Variants in GALNT13 observed in about 807,000 individuals in gnomAD.
The protein encoded by GALNT13 is UDP-GalNAc:polypeptide N-acetylgalactosaminyltransferase 13.
Under a neutral mutation model 64.2 loss-of-function variants are expected in GALNT13, and 28 were observed. The ratio of observed to expected loss-of-function variants is 0.44; its 90% confidence interval spans 0.32 to 0.60. GALNT13 has a LOEUF of 0.60. Among genes scored for constraint, GALNT13 ranks in the 20% least tolerant of loss-of-function variants. GALNT13 has a pLI of 0.05. For synonymous variants in GALNT13, 214 were observed against 224.6 expected (o/e 0.95, Z 0.42); for missense variants, 577 against 669.8 (o/e 0.86, Z 1.53).
intron 3 of GALNT13, among the ~76,000 whole-genome samples, chr2:154,097,308 A>G (rs1032859462): frequency 1.3e-5 from 2 of 152,048 alleles, no homozygotes; most frequent in Non-Finnish European, 2.9e-5. Flanking sequence ...ACAATAACCC[A>G]AAACCTCTTG....
the GALNT13 span, among the ~76,000 whole-genome samples, chr2:153,811,886 A>G: frequency 6.6e-6 from 1 of 152,220 alleles, no homozygotes; most frequent in Non-Finnish European, 1.5e-5. Context: ...CAGAGCTTAT[A>G]TGTTTTCTCA....
chr2:153,235,532 C>T, the GALNT13 span, among the ~76,000 whole-genome samples: 1 of 152,098 alleles, frequency 6.6e-6, no homozygotes, highest in Non-Finnish European at 1.5e-5. Flanking sequence ...ACATGTATCG[C>T]ATGCCTCACT....
At chr2:154,261,318 T>C (rs1690682309) in intron 8 of GALNT13, among the ~76,000 whole-genome samples, 2 of 152,192 alleles carry the variant, frequency 1.3e-5, no homozygotes. Context: ...TGTTTTAAAA[T>C]GTATTATTAT....
intron 10 of GALNT13, among the ~76,000 whole-genome samples, chr2:154,401,396 T>A (rs1699297520): frequency 6.6e-6 from 1 of 152,126 alleles, no homozygotes; most frequent in African/African-American, 2.4e-5. Context: ...TTTAGGTGAC[T>A]TACGTAAATG....
At chr2:153,850,770 T>A in the GALNT13 span, among the ~76,000 whole-genome samples, 4 of 152,260 alleles carry the variant, frequency 2.6e-5, no homozygotes, top group East Asian at 5.8e-4. Context: ...AGGCACTGGA[T>A]GAGATTAGCT....
chr2:153,586,025 CAT>C, the GALNT13 span, among the ~76,000 whole-genome samples: 1 of 151,940 alleles, frequency 6.6e-6, no homozygotes, highest in Admixed American at 6.6e-5. Context: ...ATCATGAAAA[CAT>C]AAGAAAGTAT....
chr2:154,206,653 CG>C (rs1428575337), intron 4 of GALNT13, among the ~76,000 whole-genome samples: 3 of 151,694 alleles, frequency 2.0e-5, no homozygotes, highest in Non-Finnish European at 4.4e-5. Flanking sequence ...AAACATTAGC[CG>C]GGTGTGGTGG....
chr2:153,621,555 C>A, the GALNT13 span, among the ~76,000 whole-genome samples: 1 of 152,092 alleles, frequency 6.6e-6, no homozygotes, highest in Non-Finnish European at 1.5e-5. Context: ...TCCCCAGGCC[C>A]TGGATGGGCC....
At chr2:153,997,950 A>G (rs1695631601) in intron 3 of GALNT13, among the ~76,000 whole-genome samples, 1 of 152,136 alleles carries the variant, frequency 6.6e-6, no homozygotes, top group Non-Finnish European at 1.5e-5. Context: ...AGCTTCATCC[A>G]TGTCCCTGCA....
the GALNT13 span, among the ~76,000 whole-genome samples, chr2:153,617,275 G>A: frequency 6.6e-6 from 1 of 151,808 alleles, no homozygotes. Flanking sequence ...TATTATGAAG[G>A]GATGATAAAT....
At chr2:153,506,619 A>G in the GALNT13 span, among the ~76,000 whole-genome samples, 1 of 152,230 alleles carries the variant, frequency 6.6e-6, no homozygotes, top group Non-Finnish European at 1.5e-5. Context: ...GCTGGATACA[A>G]AATTCTTGGC....
chr2:153,515,255 T>A, the GALNT13 span, among the ~76,000 whole-genome samples: 1 of 152,052 alleles, frequency 6.6e-6, no homozygotes, highest in South Asian at 2.1e-4. Context: ...CCTGATCTGG[T>A]CCCTCTTTTT....
the GALNT13 span, among the ~76,000 whole-genome samples, chr2:153,362,832 C>A: frequency 6.6e-6 from 1 of 151,832 alleles, no homozygotes; most frequent in African/African-American, 2.4e-5. Context: ...ATCAATTAGA[C>A]AAAATTAACA....
At chr2:153,298,543 C>A in the GALNT13 span, among the ~76,000 whole-genome samples, 1 of 152,152 alleles carries the variant, frequency 6.6e-6, no homozygotes, top group Non-Finnish European at 1.5e-5. Context: ...GTTATATTTG[C>A]CTTCTTTGGT....
the GALNT13 span, among the ~76,000 whole-genome samples, chr2:153,793,978 T>A: frequency 6.6e-6 from 1 of 152,208 alleles, no homozygotes; most frequent in Non-Finnish European, 1.5e-5. Context: ...TACAGTATGT[T>A]GTAACACCTC....
chr2:153,660,071 C>G, the GALNT13 span, among the ~76,000 whole-genome samples: 1 of 151,990 alleles, frequency 6.6e-6, no homozygotes. Flanking sequence ...ATTATAGTGA[C>G]AAAGACAGAT....
the GALNT13 span, among the ~76,000 whole-genome samples, chr2:153,546,801 C>T: frequency 6.6e-6 from 1 of 152,184 alleles, no homozygotes; most frequent in African/African-American, 2.4e-5. Context: ...TAAAGAAGTA[C>T]TGAAGGTCTT....
At chr2:154,163,745 T>A (rs979627838) in intron 4 of GALNT13, among the ~76,000 whole-genome samples, 3 of 152,156 alleles carry the variant, frequency 2.0e-5, no homozygotes, top group African/African-American at 7.2e-5. Context: ...CAATGGGAAG[T>A]TAGTAGAAAT....
chr2:153,767,537 T>C, the GALNT13 span, among the ~76,000 whole-genome samples: 1 of 152,306 alleles, frequency 6.6e-6, no homozygotes, highest in South Asian at 2.1e-4. Context: ...CTGTTTTCCA[T>C]AGAAGTTGAA....
Sources: gnomAD v4.1 joint callset for allele counts (sites outside exome capture counted in the v4.1 genomes callset) on GRCh38, gnomAD v4.1.1 for gene constraint, MANE v1.5 for transcripts, NCBI Gene and HGNC (gene_info 2026-07-23, HGNC 2026-07-21) for gene names.